Variants in MEIS2 observed in about 807,000 individuals in gnomAD.
MEIS2 encodes the protein Meis homeobox 2, also known as homeobox protein Meis2.
Under a neutral mutation model 58.6 loss-of-function variants are expected in MEIS2, and 9 were observed. That is an observed-to-expected ratio of 0.15 (90% confidence interval 0.09 to 0.27). MEIS2 has a LOEUF of 0.27. Among genes scored for constraint, MEIS2 ranks in the 10% least tolerant of loss-of-function variants. MEIS2 has a pLI of 1.00. For missense variants in MEIS2, 427 were observed against 635.0 expected (o/e 0.67, Z 3.52); for synonymous variants, 221 against 228.4 (o/e 0.97, Z 0.29).
intron 7 of MEIS2, among the ~76,000 whole-genome samples, chr15:37,061,134 C>T (rs891191499): frequency 1.3e-5 from 2 of 152,122 alleles, no homozygotes; most frequent in African/African-American, 2.4e-5. Flanking sequence ...ATTACCTTAC[C>T]TGAATATAGG....
chr15:36,899,568 A>G (rs1222880300), intron 9 of MEIS2, among the ~76,000 whole-genome samples: 1 of 152,142 alleles, frequency 6.6e-6, no homozygotes, highest in Non-Finnish European at 1.5e-5. Context: ...TCTAATCTAT[A>G]TTTTTTAGAA....
chr15:37,099,675 T>C lies in MEIS2; in HGVS notation c.-209A>G. ...TTTTCTGTGATATTTCTTCTTTTTC[T>C]CTTTTTTCCTCTTCTTCCTCCTCCT... On this transcript the variant is annotated 5_prime_UTR_variant, in exon 1 of 12. Transcript: ENST00000561208. The C allele has an allele frequency of 1.8e-6, 1 of 568,406 alleles. No homozygotes were observed. Among genetic ancestry groups the C allele is most frequent in the Non-Finnish European group, 3.0e-6 (1 of 338,732 alleles). 35.2% of individuals were successfully genotyped at this position (568,406 alleles called of 1,614,324 possible).
intron 8 of MEIS2, among the ~76,000 whole-genome samples, chr15:37,029,450 C>T (rs2061829107): frequency 6.6e-6 from 1 of 152,034 alleles, no homozygotes; most frequent in South Asian, 2.1e-4. Flanking sequence ...TAACTAATGT[C>T]CATGAAATAC....
chr15:36,967,675 T>G (rs1484800655), intron 8 of MEIS2, among the ~76,000 whole-genome samples: 1 of 152,224 alleles, frequency 6.6e-6, no homozygotes, highest in Non-Finnish European at 1.5e-5. Context: ...CCCACTACTC[T>G]GCAACACAAA....
At chr15:36,921,467 C>A (rs1201310869) in intron 9 of MEIS2, among the ~76,000 whole-genome samples, 1 of 152,152 alleles carries the variant, frequency 6.6e-6, no homozygotes, top group Non-Finnish European at 1.5e-5. Context: ...AGGAAGTGAT[C>A]TTCCTAGCAT....
intron 7 of MEIS2, among the ~76,000 whole-genome samples, chr15:37,043,659 T>A (rs1286066246): frequency 6.6e-6 from 1 of 151,414 alleles, no homozygotes; most frequent in Admixed American, 6.6e-5. Context: ...CAGTTCTCTA[T>A]CTCTAGAACA....
At position 36,963,683 on chromosome 15, in the gene MEIS2, ATTG is replaced by A. The variant is rs545993253; in HGVS notation, c.901-13286_901-13284del. 9.9e-3 allele frequency among the ~76,000 whole-genome samples: 1,511 copies of A among 152,322 alleles called. 8 individuals are homozygous for A. Among genetic ancestry groups the A allele is most frequent in the Non-Finnish European group, 0.016 (1,084 of 68,018 alleles). ...GAATGAATAAACCTATCTTCATTTT[ATTG>A]TTGTGGTATTTGTACAATTCTACGA... On this transcript the variant is annotated intron_variant, in intron 8 of 11. Transcript: ENST00000561208.
At chr15:36,983,872 A>AT (rs1311510818) in intron 8 of MEIS2, among the ~76,000 whole-genome samples, 1 of 151,594 alleles carries the variant, frequency 6.6e-6, no homozygotes, top group Admixed American at 6.6e-5. Context: ...TACTTGGTTT[A>AT]TTTTTTTCCT....
chr15:36,928,831 T>C (rs2057853393), intron 9 of MEIS2, among the ~76,000 whole-genome samples: 1 of 152,172 alleles, frequency 6.6e-6, no homozygotes, highest in Non-Finnish European at 1.5e-5. Context: ...TCTTCCCCTG[T>C]GGGCCAATTC....
At chr15:37,068,082 A>C (rs1033575208) in intron 7 of MEIS2, among the ~76,000 whole-genome samples, 1 of 152,192 alleles carries the variant, frequency 6.6e-6, no homozygotes, top group African/African-American at 2.4e-5. Flanking sequence ...GGCATGGTTA[A>C]CTCCATTTTA....
At chr15:37,016,068 A>T (rs911947468) in intron 8 of MEIS2, among the ~76,000 whole-genome samples, 26 of 152,186 alleles carry the variant, frequency 1.7e-4, no homozygotes, top group Non-Finnish European at 2.8e-4. Flanking sequence ...GAAAAAACAA[A>T]TTTTGATTTT....
chr15:37,075,910 C>T (rs1166520971), intron 7 of MEIS2, among the ~76,000 whole-genome samples: 2 of 150,644 alleles, frequency 1.3e-5, no homozygotes, highest in African/African-American at 4.9e-5. Flanking sequence ...TTTTTTTTTT[C>T]GAGACCTTGT....
intron 6 of MEIS2, among the ~76,000 whole-genome samples, chr15:37,091,157 G>A (rs1194834005): frequency 3.9e-5 from 6 of 152,154 alleles, no homozygotes; most frequent in Non-Finnish European, 5.9e-5. Flanking sequence ...TTTGGCTAGG[G>A]GGTTGAAGGA....
chr15:36,914,100 T>A (rs2057163377), intron 9 of MEIS2, among the ~76,000 whole-genome samples: 1 of 152,194 alleles, frequency 6.6e-6, no homozygotes. Flanking sequence ...GCCCCAATTC[T>A]ACTTATCAAT....
intron 8 of MEIS2, among the ~76,000 whole-genome samples, chr15:36,977,751 T>C (rs1457449550): frequency 1.3e-5 from 2 of 152,166 alleles, no homozygotes; most frequent in Non-Finnish European, 2.9e-5. Flanking sequence ...TTCCTAAAGA[T>C]AAAACTTAGA....
intron 8 of MEIS2, among the ~76,000 whole-genome samples, chr15:36,970,272 C>T (rs892563267): frequency 1.1e-4 from 17 of 151,828 alleles, no homozygotes; most frequent in Non-Finnish European, 1.8e-4. Flanking sequence ...GGCGTGGTGG[C>T]GGGCGCCTGT....
At chr15:36,958,737 T>G (rs1368624090) in intron 8 of MEIS2, among the ~76,000 whole-genome samples, 1 of 152,164 alleles carries the variant, frequency 6.6e-6, no homozygotes, top group Non-Finnish European at 1.5e-5. Flanking sequence ...GTTAGGATGC[T>G]CCCATGAGCT....
intron 9 of MEIS2, among the ~76,000 whole-genome samples, chr15:36,929,630 C>T (rs1434916580): frequency 2.0e-5 from 3 of 152,180 alleles, no homozygotes; most frequent in Non-Finnish European, 4.4e-5. Flanking sequence ...ACCATGAAGG[C>T]AGAGGGTCCG....
chr15:36,927,017 G>T (rs952447755), intron 9 of MEIS2, among the ~76,000 whole-genome samples: 1 of 152,168 alleles, frequency 6.6e-6, no homozygotes, highest in Non-Finnish European at 1.5e-5. Flanking sequence ...AGGGAAACAC[G>T]AACCAGGTTG....
Sources: allele counts gnomAD v4.1 joint callset (sites outside exome capture counted in the v4.1 genomes callset), GRCh38; gene constraint gnomAD v4.1.1; transcripts MANE v1.5; gene names NCBI Gene and HGNC (gene_info 2026-07-23, HGNC 2026-07-21).